MAPK14: variants seen among roughly 807,000 people sequenced by gnomAD.
MAPK14 encodes mitogen-activated protein kinase 14, also known as CSAID-binding protein.
In MAPK14, 16 loss-of-function variants were observed where a neutral mutation model predicts 49.6. The observed-to-expected ratio is 0.32, with a 90% CI of 0.22 to 0.49. MAPK14 has a LOEUF of 0.49. Among genes scored for constraint, MAPK14 ranks in the 20% least tolerant of loss-of-function variants. The pLI, the probability that MAPK14 is intolerant of heterozygous loss-of-function variation, is 0.99. For synonymous variants in MAPK14, 142 were observed against 158.0 expected (o/e 0.90, Z 0.76); for missense variants, 200 against 441.2 (o/e 0.45, Z 4.90).
At position 36,052,822 on chromosome 6, in the gene MAPK14, T is replaced by C; in HGVS notation, c.240T>C (p.His80=). 1.9e-6 allele frequency: 3 copies of C among 1,605,018 alleles called. No homozygotes were observed. Among genetic ancestry groups the C allele is most frequent in the Non-Finnish European group, 2.5e-6 (3 of 1,176,532 alleles). Residue 80 remains histidine, a synonymous_variant, in exon 2 of 12, where the codon CAT becomes CAC. Coordinates refer to ENST00000229794, the MANE Select transcript of MAPK14 (RefSeq NM_139012.3). Reference sequence around the variant, plus strand: ...TGCGGTTACTTAAACATATGAAACATGAAAATGTAAGTTATTCATTCAAGG... The same window carrying C: ...TGCGGTTACTTAAACATATGAAACACGAAAATGTAAGTTATTCATTCAAGG... The part of the protein sequence containing the change: ...RELRLLKHMK[H]ENVIGLLDVF...
chr6:36,029,519 G>A (rs1162408428), intron 1 of MAPK14, among the ~76,000 whole-genome samples: 5 of 152,210 alleles, frequency 3.3e-5, no homozygotes, highest in African/African-American at 9.6e-5. Context: ...CTGTGTTTTA[G>A]TAATTCGTAT....
chr6:36,098,567 G>C (rs1415277813), intron 9 of MAPK14, among the ~76,000 whole-genome samples: 1 of 152,018 alleles, frequency 6.6e-6, no homozygotes, highest in African/African-American at 2.4e-5. Flanking sequence ...AATTAAATTA[G>C]ATAAAAAAGC....
intron 7 of MAPK14, 48 bp from the exon 8 acceptor site, chr6:36,076,489 T>C (rs1343261453): frequency 7.4e-7 from 1 of 1,351,846 alleles, no homozygotes; most frequent in South Asian, 1.2e-5. Flanking sequence ...TGCCAAGAAT[T>C]GTAACAGTGA....
intron 8 of MAPK14, among the ~76,000 whole-genome samples, chr6:36,086,507 G>A (rs1018046588): frequency 6.6e-6 from 1 of 152,208 alleles, no homozygotes; most frequent in Admixed American, 6.5e-5. Context: ...ACAACTATCA[G>A]AGAATACTAT....
At chr6:36,120,266 G>A in the MAPK14 span, among the ~76,000 whole-genome samples, 75 of 152,272 alleles carry the variant, frequency 4.9e-4, no homozygotes, top group African/African-American at 1.8e-3. Context: ...TTTTGTCACC[G>A]TTTTCATCAT....
At chr6:36,083,489 C>T (rs1272170983) in intron 8 of MAPK14, among the ~76,000 whole-genome samples, 2 of 152,194 alleles carry the variant, frequency 1.3e-5, no homozygotes, top group African/African-American at 4.8e-5. Flanking sequence ...CACTGCAGCT[C>T]CAGTCTGCTG....
intron 2 of MAPK14, among the ~76,000 whole-genome samples, chr6:36,055,253 G>A (rs1355967481): frequency 2.6e-5 from 4 of 152,226 alleles, no homozygotes; most frequent in African/African-American, 4.8e-5. Context: ...CTAGAGATCT[G>A]TACATTTTAG....
At chr6:36,055,401 A>G (rs1763554596) in intron 2 of MAPK14, among the ~76,000 whole-genome samples, 1 of 152,220 alleles carries the variant, frequency 6.6e-6, no homozygotes, top group Admixed American at 6.5e-5. Context: ...ATACTGAGTT[A>G]AAGTATTTTT....
At chr6:36,097,988 G>A (rs1765504550) in intron 9 of MAPK14, 1 of 151,742 alleles carries the variant, frequency 6.6e-6, no homozygotes, top group Non-Finnish European at 1.5e-5. Context: ...GGGTAGACAA[G>A]ATTAATTTGA....
chr6:36,079,486 C>T (rs1356671918), intron 8 of MAPK14, among the ~76,000 whole-genome samples: 2 of 151,678 alleles, frequency 1.3e-5, no homozygotes, highest in African/African-American at 2.4e-5. Flanking sequence ...TAATGATAGC[C>T]GATGAACTTA....
chr6:36,092,429 G>T (rs879842666), intron 8 of MAPK14: 3 of 667,066 alleles, frequency 4.5e-6, no homozygotes, highest in Non-Finnish European at 8.4e-6. Context: ...CGATACACTC[G>T]TAGTGAAGCG....
At chr6:36,045,131 GAA>G (rs113808786) in intron 1 of MAPK14, among the ~76,000 whole-genome samples, 2 of 133,742 alleles carry the variant, frequency 1.5e-5, no homozygotes, top group African/African-American at 2.7e-5. Flanking sequence ...AGACCTTAAA[GAA>G]AAAAAAAAAA....
chr6:36,073,036 C>T (rs1466721321), intron 4 of MAPK14, 52 bp downstream of exon 4: 1 of 1,152,230 alleles, frequency 8.7e-7, no homozygotes, highest in East Asian at 2.4e-5. Context: ...CCTTTCTCCC[C>T]TCCTTTTAGG....
intron 6 of MAPK14, among the ~76,000 whole-genome samples, chr6:36,075,646 C>CT (rs1764501872): frequency 6.6e-6 from 1 of 152,074 alleles, no homozygotes; most frequent in African/African-American, 2.4e-5. Context: ...TTTTGTTTTG[C>CT]TTTTTGTAAT....
At chr6:36,047,007 G>A (rs1438400749) in intron 1 of MAPK14, among the ~76,000 whole-genome samples, 1 of 152,196 alleles carries the variant, frequency 6.6e-6, no homozygotes, top group Non-Finnish European at 1.5e-5. Flanking sequence ...GGTCCCACAG[G>A]GGCAATGGCC....
At chr6:36,070,177 A>G (rs146817964) in intron 3 of MAPK14, among the ~76,000 whole-genome samples, 1 of 152,342 alleles carries the variant, frequency 6.6e-6, no homozygotes, top group African/African-American at 2.4e-5. Flanking sequence ...GAAATTATTC[A>G]GACATATTGC....
In MAPK14 at chr6:36,110,029, A is replaced by G. The variant is rs1252562456; in HGVS notation, c.*1582A>G. 2 of 152,328 alleles carry G rather than the reference A, an allele frequency of 1.3e-5. No homozygotes were observed. Among genetic ancestry groups the G allele is most frequent in the East Asian group, 3.8e-4 (2 of 5,206 alleles). The allele number at this position is 152,328 out of a possible 1,614,324, so 9.4% of individuals were successfully genotyped here. On this transcript the variant is annotated 3_prime_UTR_variant, in exon 12 of 12. Coordinates refer to ENST00000229794, the MANE Select transcript of MAPK14 (RefSeq NM_139012.3). ...AGGGCAAATTATTTTAATATTTTGT[A>G]TTTTCAACTTTATAAAGATAAAATA...
chr6:36,072,287 AC>A (rs1205680345), intron 3 of MAPK14, among the ~76,000 whole-genome samples: 1 of 152,032 alleles, frequency 6.6e-6, no homozygotes, highest in Non-Finnish European at 1.5e-5. Context: ...GCAGTGAATT[AC>A]TATGATTGCT....
chr6:36,092,266 G>A (rs1207001813), intron 8 of MAPK14: 1 of 578,458 alleles, frequency 1.7e-6, no homozygotes, highest in African/African-American at 1.9e-5. Context: ...ATAGACCACT[G>A]GAGAACATTC....
Sources: allele counts gnomAD v4.1 joint callset (sites outside exome capture counted in the v4.1 genomes callset), GRCh38; gene constraint gnomAD v4.1.1; transcripts MANE v1.5; gene names NCBI Gene and HGNC (gene_info 2026-07-23, HGNC 2026-07-21).